The following ECPAS variants were observed in gnomAD, a reference collection of about 807,000 sequenced individuals.
The protein encoded by ECPAS is Ecm29 proteasome adaptor and scaffold.
In ECPAS, 70 loss-of-function variants were observed where a neutral mutation model predicts 255.1. The observed-to-expected ratio is 0.27, with a 90% CI of 0.23 to 0.33. The LOEUF (loss-of-function observed/expected upper bound fraction) is 0.33, where lower values mean the gene tolerates loss of function less well. Ranked by LOEUF, ECPAS falls within the 10% of genes least tolerant of loss-of-function variation. The pLI, the probability that ECPAS is intolerant of heterozygous loss-of-function variation, is 1.00. For missense variants in ECPAS, 1,817 were observed against 2,206.4 expected, an observed-to-expected ratio of 0.82 and a Z score of 3.54; for synonymous variants, 784 against 775.0, an observed-to-expected ratio of 1.01 and a Z score of -0.19.
intron 46 of ECPAS, among the ~76,000 whole-genome samples, chr9:111,367,205 T>TAA (rs1419994104): frequency 1.3e-5 from 2 of 152,218 alleles, no homozygotes; most frequent in African/African-American, 4.8e-5. Context: ...AAGTTATTTT[T>TAA]AATTACTGTA....
At position 111,369,047 on chromosome 9, in the gene ECPAS, C is replaced by T. The variant is rs898654958; in HGVS notation, c.5101G>A (p.Ala1701Thr). Residue 1701 changes from alanine to threonine, a missense_variant, in exon 46 of 50, where the codon GCG becomes ACG. Transcript: ENST00000684092. ...TTCTGGTGCTTACGTTGGGTCTCCG[C>T]GTTTCGCGGCCAGGCTTTGCCCAGG... is the stretch of plus-strand genomic sequence containing the variant. The part of the protein sequence containing the change: ...ESLGKAWPRN[A>T]ETQRCYRQEL... The T allele has an allele frequency of 9.5e-6, 15 of 1,586,228 alleles. No homozygotes were observed. The highest frequency in any genetic ancestry group is 1.7e-4 in the Middle Eastern group (1 of 5,934).
At chr9:111,471,930 C>G (rs545048867) in intron 2 of ECPAS, among the ~76,000 whole-genome samples, 38 of 151,926 alleles carry the variant, frequency 2.5e-4, no homozygotes, top group African/African-American at 8.9e-4. Flanking sequence ...CACAGAGACT[C>G]TGTCTCTACC....
intron 46 of ECPAS, among the ~76,000 whole-genome samples, chr9:111,368,775 C>T (rs1168790614): frequency 1.3e-5 from 2 of 152,170 alleles, no homozygotes. Context: ...AGACTTCTAT[C>T]CTCCAGAATT....
intron 24 of ECPAS, among the ~76,000 whole-genome samples, chr9:111,401,288 T>C (rs2098175657): frequency 6.6e-6 from 1 of 152,154 alleles, no homozygotes; most frequent in African/African-American, 2.4e-5. Context: ...GAGAGAAATT[T>C]TACAGCTGGG....
At chr9:111,441,403 G>C (rs143189951) in intron 5 of ECPAS, among the ~76,000 whole-genome samples, 1 of 151,620 alleles carries the variant, frequency 6.6e-6, no homozygotes, top group Non-Finnish European at 1.5e-5. Flanking sequence ...TACTCAGGAG[G>C]CTAAGGCAGG....
At chr9:111,452,618 G>A (rs2098261769) in intron 2 of ECPAS, among the ~76,000 whole-genome samples, 1 of 152,150 alleles carries the variant, frequency 6.6e-6, no homozygotes, top group Non-Finnish European at 1.5e-5. Context: ...AATTACTATT[G>A]TGTTTGCCAG....
At chr9:111,445,903 C>T (rs555840868) in intron 3 of ECPAS, among the ~76,000 whole-genome samples, 1 of 152,278 alleles carries the variant, frequency 6.6e-6, no homozygotes, top group Non-Finnish European at 1.5e-5. Context: ...GTTCAACTCC[C>T]ACCTATGAGT....
chr9:111,387,096 C>T (rs1264647359), intron 31 of ECPAS, among the ~76,000 whole-genome samples: 2 of 152,174 alleles, frequency 1.3e-5, no homozygotes, highest in African/African-American at 4.8e-5. Context: ...TCTCACTCAT[C>T]ATCAGTGCAG....
chr9:111,407,296 G>A (rs866508838), intron 24 of ECPAS, among the ~76,000 whole-genome samples: 3 of 144,318 alleles, frequency 2.1e-5, no homozygotes, highest in Non-Finnish European at 1.5e-5. Context: ...CAACTACTTA[G>A]GAGGCTGACG....
At chr9:111,482,290 T>C (rs2098306857) in intron 1 of ECPAS, among the ~76,000 whole-genome samples, 1 of 152,148 alleles carries the variant, frequency 6.6e-6, no homozygotes, top group South Asian at 2.1e-4. Context: ...TACTTCAGCT[T>C]CAAAAAAAGC....
chr9:111,391,779 T>C lies in ECPAS; in HGVS notation c.3138A>G (p.Gly1046=). 6.2e-7 allele frequency: 1 copy of C among 1,608,316 alleles called. No individual in the cohort carries two copies. Among genetic ancestry groups the C allele is most frequent in the Non-Finnish European group, 8.5e-7 (1 of 1,176,026 alleles). ...ACCCATCTGGTGTTTTGCCAAGAGC[T>C]CCCCCTTGAAATACCACTGTCTCTC... ...VSGETVVFQG[G]ALGKTPDGQG... Residue 1046 remains glycine (G), a synonymous_variant, in exon 29 of 50, where the codon GGA becomes GGG. Coordinates refer to ENST00000684092, the MANE Select transcript of ECPAS (RefSeq NM_001364929.1).
chr9:111,483,428 T>A, intron 1 of ECPAS: 2 of 775,108 alleles, frequency 2.6e-6, no homozygotes, highest in Non-Finnish European at 3.1e-6. Context: ...GCCCCAGCCC[T>A]CATGCGGCCG....
chr9:111,393,031 A>T, intron 27 of ECPAS, 149 bp from the exon 28 acceptor site: 1 of 603,496 alleles, frequency 1.7e-6, no homozygotes, highest in South Asian at 2.0e-5. Context: ...CTATTTTGTT[A>T]AAAATAATAA....
chr9:111,391,925 C>A, intron 28 of ECPAS, 101 bp from the exon 29 acceptor site: 1 of 834,520 alleles, frequency 1.2e-6, no homozygotes, highest in Non-Finnish European at 2.0e-6. Context: ...TCCTATCAAG[C>A]ATTTACTGTG....
intron 20 of ECPAS, among the ~76,000 whole-genome samples, chr9:111,413,648 C>A (rs889305642): frequency 6.7e-5 from 10 of 149,826 alleles, no homozygotes; most frequent in Admixed American, 4.7e-4. Flanking sequence ...AAAAAAAAAA[C>A]TTTTGAAACA....
chr9:111,394,108 A>C (rs1362354475), intron 26 of ECPAS, 52 bp downstream of exon 26: 1 of 1,511,496 alleles, frequency 6.6e-7, no homozygotes, highest in East Asian at 2.3e-5. Flanking sequence ...TTTCCTTGCT[A>C]CTTATAATAC....
rs1161790026 is a variant in ECPAS at position 111,407,403 on chromosome 9, G to GAAAAAAAAAA, written c.2652+1158_2652+1167dup. Among the ~76,000 whole-genome samples the GAAAAAAAAAA allele has an allele frequency of 1.9e-3, 23 of 12,072 alleles. 2 individuals carry two copies. Among genetic ancestry groups the GAAAAAAAAAA allele is most frequent in the Admixed American group, 3.6e-3 (2 of 556 alleles). 7.9% of individuals were successfully genotyped at this position (12,072 alleles called of 152,430 possible). A position where few individuals can be genotyped will look rare whatever the true frequency, so the allele number is the denominator to read the frequency against. On this transcript the variant is annotated intron_variant, in intron 24 of 49. Transcript: ENST00000684092. ...GGAGACAGAGCAAAACTCCATCTCA[G>GAAAAAAAAAA]AAAAAAAAAAAAAAAAAAAAAAAAA...
At chr9:111,425,570 AAAT>A (rs1204377399) in intron 11 of ECPAS, 74 bp from the exon 12 acceptor site, 1 of 1,158,414 alleles carries the variant, frequency 8.6e-7, no homozygotes, top group Non-Finnish European at 1.2e-6. Context: ...TGATTACATA[AAAT>A]AATGAGAGAC....
chr9:111,380,759 C>T (rs1489232836), intron 35 of ECPAS, among the ~76,000 whole-genome samples: 2 of 152,240 alleles, frequency 1.3e-5, no homozygotes, highest in African/African-American at 2.4e-5. Context: ...GCTTCTGTAT[C>T]AGCAACTGCT....
Sources: gnomAD v4.1 joint callset for allele counts (sites outside exome capture counted in the v4.1 genomes callset) on GRCh38, gnomAD v4.1.1 for gene constraint, MANE v1.5 for transcripts, NCBI Gene and HGNC (gene_info 2026-07-23, HGNC 2026-07-21) for gene names.